SCFD2: variants seen among roughly 807,000 people sequenced by gnomAD.
The protein encoded by SCFD2 is sec1 family domain-containing protein 2.
In SCFD2, 54 loss-of-function variants were observed where a neutral mutation model predicts 58.9. The observed-to-expected ratio is 0.92, with a 90% confidence interval of 0.74 to 1.15. The LOEUF (loss-of-function observed/expected upper bound fraction) is 1.15. Ranked by LOEUF, SCFD2 falls within the 50% of genes most tolerant of loss-of-function variation. SCFD2 has a pLI of 0.00. For synonymous variants in SCFD2, 321 were observed against 335.9 expected (o/e 0.96, Z 0.49); for missense variants, 805 against 836.6 (o/e 0.96, Z 0.47).
chr4:53,247,084 G>A (rs1009333001), intron 4 of SCFD2, among the ~76,000 whole-genome samples: 2 of 148,578 alleles, frequency 1.3e-5, no homozygotes, highest in Non-Finnish European at 3.0e-5. Flanking sequence ...AAAAACAAAA[G>A]TTGAGCAAAG....
intron 4 of SCFD2, among the ~76,000 whole-genome samples, chr4:53,233,927 T>C (rs1478197897): frequency 1.3e-5 from 2 of 152,100 alleles, no homozygotes; most frequent in African/African-American, 4.8e-5. Flanking sequence ...AATTTATAGA[T>C]ATATCAAAGA....
At chr4:52,879,907 C>T (rs1718567588) in intron 8 of SCFD2, among the ~76,000 whole-genome samples, 3 of 152,204 alleles carry the variant, frequency 2.0e-5, no homozygotes, top group African/African-American at 7.2e-5. Flanking sequence ...GGAGATTCTT[C>T]CCCAAAGTGA....
At chr4:53,150,005 T>C (rs1030663419) in intron 4 of SCFD2, among the ~76,000 whole-genome samples, 2 of 152,196 alleles carry the variant, frequency 1.3e-5, no homozygotes, top group African/African-American at 4.8e-5. Context: ...GGAAAATTAA[T>C]GAAATCTGAA....
At chr4:53,018,891 G>A (rs775190041) in intron 5 of SCFD2, among the ~76,000 whole-genome samples, 5 of 152,132 alleles carry the variant, frequency 3.3e-5, no homozygotes, top group South Asian at 2.1e-4. Flanking sequence ...CTCTCACAGT[G>A]TATACTCAAG....
intron 5 of SCFD2, among the ~76,000 whole-genome samples, chr4:53,131,501 A>C (rs1251308657): frequency 6.6e-6 from 1 of 152,222 alleles, no homozygotes; most frequent in Non-Finnish European, 1.5e-5. Context: ...TGAAAAAGAC[A>C]GATAGTACTG....
chr4:53,056,417 GTA>G (rs1274520608), intron 5 of SCFD2, among the ~76,000 whole-genome samples: 1 of 152,108 alleles, frequency 6.6e-6, no homozygotes, highest in Non-Finnish European at 1.5e-5. Context: ...AATGTGAAAT[GTA>G]TATGTTTTGC....
chr4:53,040,076 T>C (rs1577678271), intron 5 of SCFD2, among the ~76,000 whole-genome samples: 1 of 152,206 alleles, frequency 6.6e-6, no homozygotes, highest in Non-Finnish European at 1.5e-5. Context: ...TCCATCAGCA[T>C]TGAGCATAGT....
intron 3 of SCFD2, among the ~76,000 whole-genome samples, chr4:53,284,022 G>C (rs562339985): frequency 1.3e-4 from 19 of 151,336 alleles, no homozygotes; most frequent in African/African-American, 3.9e-4. Context: ...GGGAGGCTGA[G>C]GCAGGAGAAT....
At chr4:53,167,240 C>T (rs1204223947) in intron 4 of SCFD2, among the ~76,000 whole-genome samples, 1 of 152,214 alleles carries the variant, frequency 6.6e-6, no homozygotes, top group Non-Finnish European at 1.5e-5. Context: ...ACCCAGAATA[C>T]TCTGTAGCCT....
At chr4:53,347,549 A>G (rs1056121897) in intron 2 of SCFD2, among the ~76,000 whole-genome samples, 13 of 152,156 alleles carry the variant, frequency 8.5e-5, no homozygotes, top group African/African-American at 3.1e-4. Context: ...AGGGAAGGGG[A>G]CATGAAGTGC....
intron 3 of SCFD2, among the ~76,000 whole-genome samples, chr4:53,290,543 C>A (rs928455299): frequency 1.6e-4 from 24 of 151,922 alleles, no homozygotes; most frequent in African/African-American, 4.8e-4. Flanking sequence ...AATAGCCTAA[C>A]ATTATACCTC....
At chr4:53,024,957 C>T (rs1275721897) in intron 5 of SCFD2, among the ~76,000 whole-genome samples, 1 of 152,172 alleles carries the variant, frequency 6.6e-6, no homozygotes, top group Admixed American at 6.5e-5. Context: ...CTGTGAGTAT[C>T]CACTGCATTT....
chr4:52,903,592 C>T (rs1013842135), intron 7 of SCFD2, among the ~76,000 whole-genome samples: 7 of 152,118 alleles, frequency 4.6e-5, no homozygotes, highest in Non-Finnish European at 7.4e-5. Context: ...ATACAGGTGC[C>T]GACCGCTGAG....
chr4:53,016,043 C>T (rs1167483814), intron 5 of SCFD2, among the ~76,000 whole-genome samples: 2 of 152,118 alleles, frequency 1.3e-5, no homozygotes, highest in African/African-American at 4.8e-5. Context: ...AACAGAGGGG[C>T]TTCTAACATC....
chr4:53,357,613 A>C (rs1734438309), intron 1 of SCFD2, among the ~76,000 whole-genome samples: 1 of 152,174 alleles, frequency 6.6e-6, no homozygotes, highest in Non-Finnish European at 1.5e-5. Context: ...AAATCTAGTC[A>C]GCCTTTATAT....
chr4:53,119,836 C>T (rs979259422), intron 5 of SCFD2, among the ~76,000 whole-genome samples: 5 of 152,212 alleles, frequency 3.3e-5, no homozygotes, highest in African/African-American at 9.6e-5. Context: ...ATGCTGGCCT[C>T]TCACTACAAG....
chr4:53,288,011 A>G (rs1325037540), intron 3 of SCFD2, among the ~76,000 whole-genome samples: 1 of 152,066 alleles, frequency 6.6e-6, no homozygotes, highest in African/African-American at 2.4e-5. Flanking sequence ...AGGCCAAGGC[A>G]GGAGGGCTGC....
At position 53,325,194 on chromosome 4, in the gene SCFD2, C is replaced by T. The variant is rs200133103; in HGVS notation, c.1008-11431G>A. On this transcript the variant is annotated intron_variant, in intron 2 of 8. Transcript: ENST00000401642. ...TACTACAGATGTGTGTGTGTGTGCG[C>T]GTGCGCGCACGCTTACATATTTGTG... Among the ~76,000 whole-genome samples, 139 of 108,146 alleles carry T rather than the reference C, an allele frequency of 1.3e-3. 1 individual carries two copies. Among genetic ancestry groups the T allele is most frequent in the African/African-American group, 4.1e-3 (119 of 29,146 alleles). The allele number at this position is 108,146 out of a possible 152,430, so 70.9% of individuals were successfully genotyped here.
Position 53,365,447 on chromosome 4 carries a change from G to A in SCFD2, c.495C>T (p.Pro165=). ...HVPLLLAPVA[P]HFALTPAFAS... ...CAAAAGCTGGAGTCAAGGCAAAGTG[G>A]GGAGCAACAGGGGCAAGCAATAACG... Residue 165 remains proline, a synonymous_variant, in exon 1 of 9, where the codon CCC becomes CCT. Transcript: ENST00000401642. The surrounding 1 kb of genome is among the most constrained non-coding windows in gnomAD (Gnocchi z 4.3). 7 of 1,614,176 alleles carry A rather than the reference G, an allele frequency of 4.3e-6. No individual in the cohort carries two copies.
Sources: allele counts gnomAD v4.1 joint callset (sites outside exome capture counted in the v4.1 genomes callset), GRCh38; gene constraint gnomAD v4.1.1; non-coding constraint Gnocchi (gnomAD v3.1); transcripts MANE v1.5; gene names NCBI Gene and HGNC (gene_info 2026-07-23, HGNC 2026-07-21).